TIMELESS: variants seen among roughly 807,000 people sequenced by gnomAD.
TIMELESS encodes the protein timeless circadian regulator, also known as protein timeless homolog.
TIMELESS carries 124 observed loss-of-function variants against 164.3 expected under a neutral mutation model. The observed-to-expected ratio is 0.75, with a 90% confidence interval of 0.65 to 0.88. The LOEUF is 0.88. Ranked by LOEUF, TIMELESS falls within the 40% of genes least tolerant of loss-of-function variation. TIMELESS has a pLI of 0.00. For synonymous variants in TIMELESS, 564 were observed against 563.4 expected, an observed-to-expected ratio of 1.00 and a Z score of -0.02; for missense variants, 1,422 against 1,491.4, an observed-to-expected ratio of 0.95 and a Z score of 0.77.
In TIMELESS at chr12:56,421,988, G is replaced by T. The variant is rs759674366; in HGVS notation, c.2553C>A (p.Ala851=). ...GTGTTCGAGGAACAGTATTCAGGTG[G>T]GCCAAGATGGCTTCCACCACATCCT... ...EGQDVVEAIL[A]HLNTVPRTRK... The change falls in exon 21 of 29, where the codon GCC becomes GCA. Residue 851 remains alanine, a synonymous_variant. Transcript: ENST00000553532. 1 of 1,614,018 alleles carries T rather than the reference G, an allele frequency of 6.2e-7. No homozygotes were observed. The highest frequency in any genetic ancestry group is 8.5e-7 in the Non-Finnish European group (1 of 1,180,040).
At chr12:56,428,192 A>G in intron 13 of TIMELESS, 44 bp downstream of exon 13, 9 of 1,517,260 alleles carry the variant, frequency 5.9e-6, no homozygotes, top group Non-Finnish European at 8.0e-6. Context: ...CCCTTCCTTG[A>G]CTCTCCCTTA....
Position 56,433,646 on chromosome 12 carries a change from C to T in TIMELESS, c.258G>A (p.Met86Ile). The change falls in exon 4 of 29, where the codon ATG becomes ATA. Residue 86 changes from methionine to isoleucine, a missense_variant. Physicochemically the swap from Met to Ile is conservative, Grantham distance 10 (BLOSUM62 1). Transcript: ENST00000553532. ...GCAAGGCTGGTTGTGTCAAGTTCAC[C>T]ATCAGTCTGGGAGACAATGAAGGAG... ...KPLFDAVIRL[M>I]VNLTQPALLC... 1 of 1,614,110 alleles carries T rather than the reference C, an allele frequency of 6.2e-7. No individual in the cohort carries two copies. The highest frequency in any genetic ancestry group is 2.2e-5 in the East Asian group (1 of 44,892).
chr12:56,435,953 C>G (rs35627118), intron 1 of TIMELESS, among the ~76,000 whole-genome samples: 1 of 134,976 alleles, frequency 7.4e-6, no homozygotes, highest in African/African-American at 2.6e-5. Flanking sequence ...AGCGAGACTC[C>G]GTCTTAAAAA....
intron 7 of TIMELESS, 135 bp from the exon 8 acceptor site, chr12:56,431,739 G>C: frequency 9.2e-7 from 1 of 1,092,414 alleles, no homozygotes; most frequent in Non-Finnish European, 1.2e-6. Flanking sequence ...TCCCTTATCT[G>C]AGGGGGAAAT....
At chr12:56,422,813 A>AACCCCCCCCC in intron 19 of TIMELESS, 34 bp downstream of exon 19, 1 of 1,357,030 alleles carries the variant, frequency 7.4e-7, no homozygotes, top group Non-Finnish European at 1.0e-6. Context: ...AACTTCCCCT[A>AACCCCCCCCC]CCCCCACCCA....
intron 9 of TIMELESS, 69 bp from the exon 10 acceptor site, chr12:56,430,350 T>C: frequency 6.6e-7 from 1 of 1,525,394 alleles, no homozygotes; most frequent in Non-Finnish European, 8.8e-7. Context: ...TCTCGTCAAT[T>C]TTCTCAGAAG....
At position 56,418,301 on chromosome 12, in the gene TIMELESS, G is replaced by T. The variant is rs1223615392; in HGVS notation, c.3287C>A (p.Ala1096Asp). Residue 1096 changes from alanine (A) to aspartate (D), a missense_variant, in exon 27 of 29, where the codon GCT becomes GAT. Physicochemically the swap from Ala to Asp is moderately radical, Grantham distance 126 (BLOSUM62 -2). Transcript: ENST00000553532. ...LSPTQLRRAA[A>D]SLSQPEEEQK... ...TTCCTCCTCTGGTTGACTCAAAGAA[G>T]CTGCTGCCCTCCGGAGCTGGGTAGG... The T allele has an allele frequency of 1.2e-6, 2 of 1,614,010 alleles. No homozygotes were observed. Among genetic ancestry groups the T allele is most frequent in the African/African-American group, 2.7e-5 (2 of 74,906 alleles).
At chr12:56,448,492 C>T (rs1370538651) in intron 1 of TIMELESS, among the ~76,000 whole-genome samples, 1 of 151,674 alleles carries the variant, frequency 6.6e-6, no homozygotes, top group Non-Finnish European at 1.5e-5. Flanking sequence ...TTTGGGAGGC[C>T]GAGGCGGGCG....
intron 26 of TIMELESS, among the ~76,000 whole-genome samples, chr12:56,418,707 A>T (rs1881355440): frequency 6.6e-6 from 1 of 151,386 alleles, no homozygotes; most frequent in African/African-American, 2.4e-5. Context: ...CCTCTCAAGT[A>T]GCCAGGACCA....
intron 7 of TIMELESS, 143 bp downstream of exon 7, chr12:56,432,226 G>T: frequency 2.3e-6 from 2 of 861,894 alleles, no homozygotes; most frequent in Non-Finnish European, 3.5e-6. Flanking sequence ...GAATAAGGGG[G>T]TACTACTGAA....
rs373045725 is a variant in TIMELESS at position 56,426,652 on chromosome 12, C to T, written c.1579-1500G>A. On this transcript the variant is annotated intron_variant, in intron 13 of 28. Coordinates refer to ENST00000553532, the MANE Select transcript of TIMELESS (RefSeq NM_003920.5). ...TTGGCTCACTGCAACCTCCGCCTCC[C>T]GGGTTCAAGTGATTCTCCCACTTCA... 4.7e-4 allele frequency among the ~76,000 whole-genome samples: 71 copies of T among 151,702 alleles called. No homozygotes were observed. In the East Asian group the frequency reaches 8.2e-3, roughly 17 times the overall value.
chr12:56,428,197 C>A, intron 13 of TIMELESS, 39 bp downstream of exon 13: 1 of 1,538,360 alleles, frequency 6.5e-7, no homozygotes, highest in African/African-American at 1.4e-5. Flanking sequence ...CCTTGACTCT[C>A]CCTTACAGCT....
intron 13 of TIMELESS, among the ~76,000 whole-genome samples, chr12:56,425,478 G>C (rs1035624486): frequency 6.6e-6 from 1 of 152,168 alleles, no homozygotes; most frequent in Non-Finnish European, 1.5e-5. Context: ...TATCTCAAGA[G>C]GTCTACAGAA....
intron 22 of TIMELESS, 115 bp downstream of exon 22, chr12:56,421,612 A>T: frequency 6.7e-7 from 1 of 1,500,722 alleles, no homozygotes; most frequent in Non-Finnish European, 9.2e-7. Flanking sequence ...TTACAAATAT[A>T]GTAAGTGAAC....
At chr12:56,440,313 A>G (rs1315574097) in intron 1 of TIMELESS, among the ~76,000 whole-genome samples, 1 of 151,726 alleles carries the variant, frequency 6.6e-6, no homozygotes, top group African/African-American at 2.4e-5. Context: ...TAATTTTTGT[A>G]TTTTTAGTAG....
intron 7 of TIMELESS, among the ~76,000 whole-genome samples, 173 bp from the exon 8 acceptor site, chr12:56,431,777 A>G (rs72478990): frequency 0.051 from 7,782 of 152,030 alleles, 684 homozygotes; most frequent in African/African-American, 0.18. Context: ...GGATGCCTGA[A>G]ACTGCAGACA....
At position 56,423,675 on chromosome 12, in the gene TIMELESS, C is replaced by G; in HGVS notation, c.1999G>C (p.Glu667Gln). The G allele has an allele frequency of 6.2e-7, 1 of 1,614,036 alleles. No homozygotes were observed. Among genetic ancestry groups the G allele is most frequent in the African/African-American group, 1.3e-5 (1 of 75,058 alleles). ...QQGPEERGAEEEEEEEEEEEE... is the reference protein window; with the variant it reads ...QQGPEERGAEQEEEEEEEEEE... ...TCCTCCTCCTCCTCCTCTTCTTCTT[C>G]CTCTGCCCCACGTTCCTCTGGGCCC... Residue 667 changes from glutamate to glutamine, a missense_variant, in exon 17 of 29, where the codon GAA (glutamate) becomes CAA (glutamine). By Grantham distance (29) the Glu-to-Gln change is conservative. Coordinates refer to ENST00000553532, the MANE Select transcript of TIMELESS (RefSeq NM_003920.5).
intron 13 of TIMELESS, among the ~76,000 whole-genome samples, chr12:56,426,001 C>G (rs1157170600): frequency 1.3e-5 from 2 of 152,138 alleles, no homozygotes; most frequent in Admixed American, 6.5e-5. Flanking sequence ...AAAAGTCAAA[C>G]AGGATGAACT....
chr12:56,437,650 A>T (rs1426343336), intron 1 of TIMELESS, among the ~76,000 whole-genome samples: 1 of 152,188 alleles, frequency 6.6e-6, no homozygotes, highest in Non-Finnish European at 1.5e-5. Flanking sequence ...GCAGAAGTTA[A>T]GCAGGCCAAA....
Sources: gnomAD v4.1 joint callset for allele counts (sites outside exome capture counted in the v4.1 genomes callset) on GRCh38, gnomAD v4.1.1 for gene constraint, MANE v1.5 for transcripts, NCBI Gene and HGNC (gene_info 2026-07-23, HGNC 2026-07-21) for gene names.